STK32A: variants seen among roughly 807,000 people sequenced by gnomAD.
STK32A encodes serine/threonine-protein kinase 32A.
Under a neutral mutation model 53.2 loss-of-function variants are expected in STK32A, and 41 were observed. The observed-to-expected ratio is 0.77, with a 90% CI of 0.60 to 1.00. The LOEUF is 1.00. STK32A is among the 50% of genes least tolerant of loss of function. The pLI, the probability that STK32A is intolerant of heterozygous loss-of-function variation, is 0.00. For synonymous variants in STK32A, 166 were observed against 162.8 expected (o/e 1.02, Z -0.15); for missense variants, 458 against 485.8 (o/e 0.94, Z 0.54).
intron 2 of STK32A, among the ~76,000 whole-genome samples, chr5:147,261,724 A>G (rs1308159926): frequency 6.6e-6 from 1 of 152,224 alleles, no homozygotes; most frequent in Non-Finnish European, 1.5e-5. Flanking sequence ...GGTTTAGAGC[A>G]TAGCATCTTT....
At chr5:147,292,641 G>A (rs1287934913) in intron 4 of STK32A, among the ~76,000 whole-genome samples, 2 of 152,192 alleles carry the variant, frequency 1.3e-5, no homozygotes, top group African/African-American at 4.8e-5. Flanking sequence ...GGCCAAGGCA[G>A]GTGGATCACC....
intron 2 of STK32A, among the ~76,000 whole-genome samples, chr5:147,273,749 T>C (rs1423788996): frequency 6.6e-6 from 1 of 152,220 alleles, no homozygotes; most frequent in Non-Finnish European, 1.5e-5. Flanking sequence ...AAAAGGTACA[T>C]TTCTAAAGGA....
intron 8 of STK32A, among the ~76,000 whole-genome samples, chr5:147,368,530 A>G (rs1756869271): frequency 6.6e-6 from 1 of 152,144 alleles, no homozygotes; most frequent in Non-Finnish European, 1.5e-5. Flanking sequence ...CCAACATAGA[A>G]ACCATATGTG....
At chr5:147,312,150 G>C (rs890677336) in intron 4 of STK32A, among the ~76,000 whole-genome samples, 5 of 152,328 alleles carry the variant, frequency 3.3e-5, no homozygotes, top group African/African-American at 1.2e-4. Context: ...GCCCAGGCTG[G>C]TGTGCAATGG....
chr5:147,388,445 C>T (rs76144219), downstream of STK32A, among the ~76,000 whole-genome samples: 1,724 of 152,238 alleles, frequency 0.011, 40 homozygotes, highest in African/African-American at 0.04. Context: ...TTGTGGCCTC[C>T]GAAGTTCTGC....
chr5:147,399,425 C>T, the STK32A span, among the ~76,000 whole-genome samples: 67,378 of 152,040 alleles, frequency 0.44, 15,327 homozygotes, highest in East Asian at 0.54. Context: ...GCTGGGCTGT[C>T]GTGACTACTC....
At chr5:147,263,022 A>G (rs1754653405) in intron 2 of STK32A, among the ~76,000 whole-genome samples, 1 of 152,106 alleles carries the variant, frequency 6.6e-6, no homozygotes, top group African/African-American at 2.4e-5. Context: ...TCCACTCCAT[A>G]CTATGGTTTA....
At chr5:147,400,734 A>G in the STK32A span, 4 of 1,613,990 alleles carry the variant, frequency 2.5e-6, no homozygotes, top group African/African-American at 4.0e-5. Context: ...CCTCCACACC[A>G]TTGGTGCCCT....
At chr5:147,289,053 G>A (rs902205741) in intron 4 of STK32A, among the ~76,000 whole-genome samples, 8 of 152,232 alleles carry the variant, frequency 5.3e-5, no homozygotes, top group Admixed American at 3.3e-4. Context: ...GACATCCAAA[G>A]GACAAATCTA....
chr5:147,378,544 T>C (rs75625264), intron 11 of STK32A, among the ~76,000 whole-genome samples: 76 of 152,240 alleles, frequency 5.0e-4, no homozygotes, highest in African/African-American at 1.8e-3. Flanking sequence ...ATATTAGCTA[T>C]AGCTTAGCCC....
intron 2 of STK32A, among the ~76,000 whole-genome samples, chr5:147,255,778 CTG>C (rs1384593228): frequency 6.6e-6 from 1 of 152,184 alleles, no homozygotes; most frequent in Non-Finnish European, 1.5e-5. Flanking sequence ...TAATAAATCA[CTG>C]TTGGTTGTAG....
intron 8 of STK32A, 23 bp downstream of exon 8, chr5:147,361,637 T>G: frequency 1.3e-6 from 2 of 1,507,200 alleles, no homozygotes; most frequent in South Asian, 2.3e-5. Flanking sequence ...CATTTCCTCT[T>G]TGGTTATTTT....
rs1471695734 is a variant in STK32A at position 147,275,786 on chromosome 5, C to G, written c.53-2338C>G. 5.3e-5 allele frequency among the ~76,000 whole-genome samples: 8 copies of G among 152,128 alleles called. No individual in the cohort carries two copies. The East Asian group carries it at 1.3e-3, about 26-fold the overall frequency. Reference sequence around the variant, plus strand: ...CTAAGGCTTTAGGCTTGTCCCTTTTCTGAGAAGTGACCTTTGGGAGGTCAC... The same window carrying G: ...CTAAGGCTTTAGGCTTGTCCCTTTTGTGAGAAGTGACCTTTGGGAGGTCAC... On this transcript the variant is annotated intron_variant, in intron 2 of 12. Coordinates refer to ENST00000397936, the MANE Select transcript of STK32A (RefSeq NM_001112724.2).
chr5:147,340,409 A>C (rs1172950779), intron 5 of STK32A, among the ~76,000 whole-genome samples: 2 of 152,234 alleles, frequency 1.3e-5, no homozygotes, highest in Non-Finnish European at 2.9e-5. Flanking sequence ...ACTGTCAATG[A>C]AAGAAACATT....
intron 4 of STK32A, among the ~76,000 whole-genome samples, chr5:147,299,510 G>A (rs1008750823): frequency 2.0e-5 from 3 of 152,114 alleles, no homozygotes; most frequent in Non-Finnish European, 4.4e-5. Context: ...AGTTGCTCTG[G>A]TTCACACGCC....
intron 4 of STK32A, among the ~76,000 whole-genome samples, chr5:147,286,083 A>G (rs1282081565): frequency 1.3e-5 from 2 of 152,204 alleles, no homozygotes; most frequent in Non-Finnish European, 2.9e-5. Flanking sequence ...ATGATGGAAT[A>G]CTATGCAGCC....
intron 6 of STK32A, among the ~76,000 whole-genome samples, chr5:147,344,838 G>A (rs114465858): frequency 6.5e-4 from 99 of 152,274 alleles, no homozygotes; most frequent in African/African-American, 2.3e-3. Flanking sequence ...AAGGCATATA[G>A]GTCCTATCAA....
chr5:147,351,169 A>G lies in STK32A; in HGVS notation c.562+15A>G, dbSNP rs1342485224. The G allele has an allele frequency of 1.9e-6, 3 of 1,602,556 alleles. No individual in the cohort carries two copies. The South Asian group carries it at 3.3e-5, about 18-fold the overall frequency. ...GCCTTACATGGGTATGGGTTTCATG[A>G]GTGTCTTTTTTTTTTCTTTCCTGTA... is the stretch of plus-strand genomic sequence containing the variant. On this transcript the variant is annotated intron_variant, in intron 7 of 12. Coordinates refer to ENST00000397936, the MANE Select transcript of STK32A (RefSeq NM_001112724.2).
intron 2 of STK32A, among the ~76,000 whole-genome samples, chr5:147,250,134 G>T (rs1375444820): frequency 6.6e-6 from 1 of 152,100 alleles, no homozygotes; most frequent in Non-Finnish European, 1.5e-5. Flanking sequence ...TTATGTGGAT[G>T]ACTGTGACAT....
Sources: allele counts gnomAD v4.1 joint callset (sites outside exome capture counted in the v4.1 genomes callset), GRCh38; gene constraint gnomAD v4.1.1; transcripts MANE v1.5; gene names NCBI Gene and HGNC (gene_info 2026-07-23, HGNC 2026-07-21).